AKAP13: variants seen among roughly 807,000 people sequenced by gnomAD.
AKAP13 encodes the protein A-kinase anchor protein 13.
Under a neutral mutation model 264.5 loss-of-function variants are expected in AKAP13, and 80 were observed. The observed-to-expected ratio is 0.30, with a 90% confidence interval of 0.25 to 0.36. The LOEUF is 0.36. Ranked by LOEUF, AKAP13 falls within the 10% of genes least tolerant of loss-of-function variation. The pLI is 1.00. For missense variants in AKAP13, 3,712 were observed against 3,435.2 expected, an observed-to-expected ratio of 1.08 and a Z score of -2.01; for synonymous variants, 1,380 against 1,250.2, an observed-to-expected ratio of 1.10 and a Z score of -2.19.
intron 4 of AKAP13, chr15:85,536,766 A>G (rs1222217885): frequency 6.6e-6 from 1 of 152,224 alleles, no homozygotes; most frequent in Non-Finnish European, 1.5e-5. Flanking sequence ...ATATTCTGGA[A>G]GATGCAAAAT....
chr15:85,409,137 T>C (rs996362063), intron 1 of AKAP13, among the ~76,000 whole-genome samples: 3 of 151,780 alleles, frequency 2.0e-5, no homozygotes, highest in East Asian at 1.9e-4. Flanking sequence ...TGGAGAAATA[T>C]TTGTTCAAAT....
intron 11 of AKAP13, among the ~76,000 whole-genome samples, chr15:85,657,405 A>T (rs535351377): frequency 6.6e-6 from 1 of 152,140 alleles, no homozygotes; most frequent in Admixed American, 6.5e-5. Flanking sequence ...CTAATTTGCT[A>T]ATCTTTTCAG....
chr15:85,383,898 AGTT>A (rs967747058), intron 1 of AKAP13, among the ~76,000 whole-genome samples: 6 of 152,232 alleles, frequency 3.9e-5, no homozygotes, highest in African/African-American at 1.4e-4. Context: ...TAACAGTGTT[AGTT>A]CAGTACAGAG....
intron 1 of AKAP13, among the ~76,000 whole-genome samples, chr15:85,432,328 T>C (rs549416745): frequency 6.6e-6 from 1 of 152,168 alleles, no homozygotes; most frequent in South Asian, 2.1e-4. Flanking sequence ...TACCCCATTA[T>C]TTTCCTAATG....
intron 2 of AKAP13, among the ~76,000 whole-genome samples, chr15:85,487,940 C>T (rs2075611028): frequency 6.6e-6 from 1 of 152,194 alleles, no homozygotes; most frequent in Admixed American, 6.5e-5. Flanking sequence ...CTCTGTCACC[C>T]AGGCTGGAGT....
rs768246267 is a variant in AKAP13, at chr15:85,727,510, G to C, written c.7087+47G>C. 10 of 1,596,424 alleles carry C rather than the reference G, an allele frequency of 6.3e-6. No homozygotes were observed. In the African/African-American group the frequency reaches 1.3e-4, roughly 21 times the overall value. On this transcript the variant is annotated intron_variant, in intron 29 of 36. Transcript: ENST00000394518. This position sits in a 1 kb window ranked among gnomAD's most constrained non-coding sequence, Gnocchi z 5.3. The stretch of plus-strand genomic sequence containing the variant: ...GAGCCCCTTGTCTGGAATGTCTGCA[G>C]TTGCAGAAGACTGCTGGTGGATTTT...
chr15:85,648,994 T>C (rs2082683060), intron 10 of AKAP13, among the ~76,000 whole-genome samples: 1 of 152,212 alleles, frequency 6.6e-6, no homozygotes, highest in South Asian at 2.1e-4. Context: ...GTTTTTGCTG[T>C]ACCAAAGTAG....
intron 2 of AKAP13, among the ~76,000 whole-genome samples, chr15:85,511,960 G>A (rs1444026342): frequency 2.0e-5 from 3 of 152,010 alleles, no homozygotes; most frequent in African/African-American, 7.3e-5. Flanking sequence ...GGACGTGACT[G>A]TGAGAGAAAT....
chr15:85,654,875 A>G (rs952174181), intron 10 of AKAP13, among the ~76,000 whole-genome samples: 1 of 151,906 alleles, frequency 6.6e-6, no homozygotes, highest in South Asian at 2.1e-4. Flanking sequence ...CTAGTGTAGT[A>G]CCTCTAGTAA....
intron 8 of AKAP13, among the ~76,000 whole-genome samples, chr15:85,586,205 T>G (rs903007420): frequency 7.2e-5 from 11 of 152,042 alleles, no homozygotes; most frequent in Admixed American, 4.6e-4. Flanking sequence ...CTTTTTTTTT[T>G]TTGAGATGGA....
intron 3 of AKAP13, among the ~76,000 whole-genome samples, chr15:85,526,342 C>T (rs1006226987): frequency 6.6e-6 from 1 of 152,080 alleles, no homozygotes; most frequent in Non-Finnish European, 1.5e-5. Flanking sequence ...TCATTGCAGG[C>T]TTGACTTCCC....
intron 5 of AKAP13, among the ~76,000 whole-genome samples, chr15:85,566,012 G>A (rs992823865): frequency 1.3e-5 from 2 of 152,178 alleles, no homozygotes; most frequent in Non-Finnish European, 2.9e-5. Flanking sequence ...TGGGAACATA[G>A]GTGCATGGTA....
chr15:85,637,580 C>CT (rs2082119037), intron 8 of AKAP13, among the ~76,000 whole-genome samples: 1 of 152,040 alleles, frequency 6.6e-6, no homozygotes, highest in South Asian at 2.1e-4. Flanking sequence ...AAGGAACCAG[C>CT]TTTTGGTTTC....
intron 1 of AKAP13, among the ~76,000 whole-genome samples, chr15:85,479,020 A>G (rs1285716303): frequency 6.6e-6 from 1 of 152,206 alleles, no homozygotes; most frequent in Non-Finnish European, 1.5e-5. Context: ...CTGCTCAATT[A>G]TTAATGTAGC....
intron 1 of AKAP13, among the ~76,000 whole-genome samples, chr15:85,412,389 A>C (rs2072015634): frequency 6.6e-6 from 1 of 152,248 alleles, no homozygotes; most frequent in Non-Finnish European, 1.5e-5. Context: ...GTTTGAATGC[A>C]GAAGCAGATA....
intron 11 of AKAP13, 118 bp downstream of exon 11, chr15:85,655,905 A>G: frequency 6.3e-6 from 9 of 1,422,180 alleles, no homozygotes; most frequent in South Asian, 1.6e-5. Context: ...AAGAAAGAAT[A>G]TAGGCTTTGG....
At chr15:85,582,936 G>T in intron 7 of AKAP13, 1 of 985,412 alleles carries the variant, frequency 1.0e-6, no homozygotes, top group Non-Finnish European at 1.2e-6. Context: ...TCCATCTGTG[G>T]GTAACCATGT....
At chr15:85,639,596 T>A in intron 9 of AKAP13, 147 bp downstream of exon 9, 3 of 642,946 alleles carry the variant, frequency 4.7e-6, no homozygotes, top group Non-Finnish European at 8.1e-6. Context: ...CATTTTGTCT[T>A]ACAGTTGAAG....
At chr15:85,405,674 G>A (rs1277275397) in intron 1 of AKAP13, among the ~76,000 whole-genome samples, 2 of 152,124 alleles carry the variant, frequency 1.3e-5, no homozygotes, top group African/African-American at 2.4e-5. Flanking sequence ...CCAGAACTTC[G>A]GCCAAAGTCA....
Sources: gnomAD v4.1 joint callset for allele counts (sites outside exome capture counted in the v4.1 genomes callset) on GRCh38, gnomAD v4.1.1 for gene constraint, Gnocchi (gnomAD v3.1) non-coding constraint, MANE v1.5 for transcripts, NCBI Gene and HGNC (gene_info 2026-07-23, HGNC 2026-07-21) for gene names.